DNM3: variants seen among roughly 807,000 people sequenced by gnomAD.
DNM3 encodes the protein dynamin 3, also known as dynamin-3.
A neutral mutation model predicts 101.6 loss-of-function variants in DNM3; 47 were observed. The observed-to-expected ratio is 0.46, with a 90% CI of 0.37 to 0.59. DNM3 has a LOEUF of 0.59. Ranked by LOEUF, DNM3 falls within the 20% of genes least tolerant of loss-of-function variation. The pLI, the probability that DNM3 is intolerant of heterozygous loss-of-function variation, is 0.00. For synonymous variants in DNM3, 385 were observed against 387.9 expected, an observed-to-expected ratio of 0.99 and a Z score of 0.09; for missense variants, 849 against 1,085.7, an observed-to-expected ratio of 0.78 and a Z score of 3.06.
rs143531699 is a variant in DNM3 at position 172,335,501 on chromosome 1, A to G, written c.1893+12161A>G. Among the ~76,000 whole-genome samples, 121 of 152,296 alleles carry G rather than the reference A, an allele frequency of 7.9e-4. 3 individuals are homozygous for G. In the East Asian group the frequency reaches 0.022, roughly 27 times the overall value. On this transcript the variant is annotated intron_variant, in intron 17 of 20. Transcript: ENST00000627582. Reference sequence around the variant, plus strand: ...ACAAGACACATGCTTTCATATGTTCATTGCAGCATTATTCACAAATAGAAA... The same window carrying G: ...ACAAGACACATGCTTTCATATGTTCGTTGCAGCATTATTCACAAATAGAAA...
chr1:172,102,083 T>C (rs2054686960), intron 13 of DNM3, among the ~76,000 whole-genome samples: 1 of 151,916 alleles, frequency 6.6e-6, no homozygotes, highest in African/African-American at 2.4e-5. Flanking sequence ...GGTCTTGAAC[T>C]CTTACCTCAG....
chr1:171,988,074 T>A (rs1254975761), intron 3 of DNM3, among the ~76,000 whole-genome samples: 1 of 152,178 alleles, frequency 6.6e-6, no homozygotes. Flanking sequence ...AGGGTATATA[T>A]GAAAACTTCC....
chr1:172,395,744 C>CG (rs1276339473), intron 20 of DNM3, among the ~76,000 whole-genome samples: 1 of 152,180 alleles, frequency 6.6e-6, no homozygotes, highest in African/African-American at 2.4e-5. Flanking sequence ...TAAGTGTTGT[C>CG]GGGGGGAACC....
chr1:172,151,006 G>T (rs1349247931), intron 14 of DNM3, among the ~76,000 whole-genome samples: 1 of 152,090 alleles, frequency 6.6e-6, no homozygotes, highest in Non-Finnish European at 1.5e-5. Context: ...CTGATAAATA[G>T]ATCTAGATAT....
intron 14 of DNM3, among the ~76,000 whole-genome samples, chr1:172,217,156 G>T (rs2060729540): frequency 6.6e-6 from 1 of 151,978 alleles, no homozygotes; most frequent in Admixed American, 6.6e-5. Flanking sequence ...CATTTAAGAT[G>T]CTCTCACCTT....
intron 13 of DNM3, among the ~76,000 whole-genome samples, chr1:172,106,401 A>T (rs1406282976): frequency 6.6e-6 from 1 of 152,126 alleles, no homozygotes; most frequent in Non-Finnish European, 1.5e-5. Flanking sequence ...AGCCTGGGAG[A>T]CAGAGCAAGA....
intron 10 of DNM3, among the ~76,000 whole-genome samples, chr1:172,056,796 T>C (rs1430331064): frequency 1.3e-5 from 2 of 152,136 alleles, no homozygotes; most frequent in African/African-American, 4.8e-5. Flanking sequence ...CCTCTCCTCC[T>C]CCAAAGGAAC....
chr1:172,191,448 A>G (rs992341130), intron 14 of DNM3, among the ~76,000 whole-genome samples: 5 of 152,040 alleles, frequency 3.3e-5, no homozygotes, highest in South Asian at 4.2e-4. Flanking sequence ...GTCAGGTAGC[A>G]TGATGCCTCC....
At chr1:172,233,828 C>A (rs539577754) in intron 14 of DNM3, among the ~76,000 whole-genome samples, 2 of 152,178 alleles carry the variant, frequency 1.3e-5, no homozygotes, top group South Asian at 2.1e-4. Context: ...AGGCCTTTGA[C>A]AAAATTCAAC....
intron 6 of DNM3, among the ~76,000 whole-genome samples, chr1:172,034,431 A>C (rs180934057): frequency 6.6e-6 from 1 of 152,224 alleles, no homozygotes; most frequent in East Asian, 1.9e-4. Flanking sequence ...AAATAAACTG[A>C]AAAAATCTCA....
At chr1:172,075,816 T>G (rs1187109632) in intron 11 of DNM3, among the ~76,000 whole-genome samples, 1 of 152,222 alleles carries the variant, frequency 6.6e-6, no homozygotes, top group Non-Finnish European at 1.5e-5. Context: ...TGGTTTCATA[T>G]GAAATTTAAA....
intron 4 of DNM3, among the ~76,000 whole-genome samples, chr1:172,026,026 G>A (rs1338191513): frequency 6.6e-6 from 1 of 152,042 alleles, no homozygotes; most frequent in Non-Finnish European, 1.5e-5. Context: ...AAGGAGGATG[G>A]TTTAACCCAA....
intron 15 of DNM3, chr1:172,289,846 T>C: frequency 1.0e-6 from 1 of 981,944 alleles, no homozygotes; most frequent in Non-Finnish European, 1.2e-6. Flanking sequence ...GTTTTGTTGT[T>C]CTTTCCTATT....
intron 3 of DNM3, among the ~76,000 whole-genome samples, chr1:171,988,100 C>T (rs2045390384): frequency 6.6e-6 from 1 of 152,088 alleles, no homozygotes; most frequent in African/African-American, 2.4e-5. Context: ...TCAGTCTTTG[C>T]TGAAATCTTA....
intron 15 of DNM3, among the ~76,000 whole-genome samples, chr1:172,261,532 TG>T (rs563664865): frequency 1.4e-3 from 212 of 152,334 alleles, no homozygotes; most frequent in Middle Eastern, 3.4e-3. Context: ...CTGGTGTTGG[TG>T]GGTCCAGGAA....
chr1:172,282,994 G>T (rs1453173691), intron 15 of DNM3, among the ~76,000 whole-genome samples: 1 of 152,176 alleles, frequency 6.6e-6, no homozygotes, highest in Non-Finnish European at 1.5e-5. Flanking sequence ...TTTTACTCCA[G>T]AACTTCTTCC....
At chr1:172,156,360 T>A (rs920218697) in intron 14 of DNM3, among the ~76,000 whole-genome samples, 3 of 152,124 alleles carry the variant, frequency 2.0e-5, no homozygotes, top group African/African-American at 7.2e-5. Context: ...CAATGGCTCC[T>A]GGACCAGGCT....
intron 17 of DNM3, among the ~76,000 whole-genome samples, chr1:172,359,973 A>G (rs374942986): frequency 1.2e-4 from 19 of 152,140 alleles, no homozygotes; most frequent in Middle Eastern, 3.4e-3. Context: ...CCTATAATCA[A>G]CTGTATACTA....
At chr1:171,841,933 A>C in intron 1 of DNM3, 116 bp downstream of exon 1, 1 of 894,074 alleles carries the variant, frequency 1.1e-6, no homozygotes, top group Non-Finnish European at 1.5e-6. Flanking sequence ...GCTGCGGTGG[A>C]ATGGGGGGCA....
Sources: gnomAD v4.1 joint callset for allele counts (sites outside exome capture counted in the v4.1 genomes callset) on GRCh38, gnomAD v4.1.1 for gene constraint, MANE v1.5 for transcripts, NCBI Gene and HGNC (gene_info 2026-07-23, HGNC 2026-07-21) for gene names.